The following RNF220 variants were observed in gnomAD, a reference collection of about 807,000 sequenced individuals.
The protein encoded by RNF220 is ring finger protein 220.
A neutral mutation model predicts 67.1 loss-of-function variants in RNF220; 7 were observed. The observed-to-expected ratio is 0.10, with a 90% CI of 0.06 to 0.20. The LOEUF is 0.20. Among genes scored for constraint, RNF220 ranks in the 10% least tolerant of loss-of-function variants. RNF220 has a pLI of 1.00. For synonymous variants in RNF220, 270 were observed against 283.2 expected, an observed-to-expected ratio of 0.95 and a Z score of 0.47; for missense variants, 565 against 740.3, an observed-to-expected ratio of 0.76 and a Z score of 2.75.
chr1:44,426,252 C>G (rs956191164), intron 2 of RNF220, among the ~76,000 whole-genome samples: 3 of 152,162 alleles, frequency 2.0e-5, no homozygotes, highest in African/African-American at 7.2e-5. Context: ...TAGGCAGAAT[C>G]AAGTCGAAGA....
rs1644573696 is a variant in RNF220, at chr1:44,644,334, TG to T, written c.1127-363del. 2.4e-5 allele frequency: 5 copies of T among 211,176 alleles called. No homozygotes were observed. The South Asian group carries it at 3.9e-4, about 17-fold the overall frequency. The allele number at this position is 211,176 out of a possible 1,614,324, so 13.1% of individuals were successfully genotyped here. A position where few individuals can be genotyped will look rare whatever the true frequency, so the allele number is the denominator to read the frequency against. On this transcript the variant is annotated intron_variant, in intron 8 of 14. Coordinates refer to ENST00000361799, the MANE Select transcript of RNF220 (RefSeq NM_018150.4). The stretch of plus-strand genomic sequence containing the variant: ...CATAGGGGAGGCCCCACTCTTTTCC[TG>T]TGAAATTCCTAGACCTGAATTTTTC...
At chr1:44,475,822 G>A (rs942868466) in intron 2 of RNF220, among the ~76,000 whole-genome samples, 3 of 151,192 alleles carry the variant, frequency 2.0e-5, no homozygotes, top group Admixed American at 6.6e-5. Flanking sequence ...GACCATCCTC[G>A]CCAACATGGT....
Position 44,437,568 on chromosome 1 carries a change from G to A in RNF220, c.625+24846G>A, listed in dbSNP as rs983936929. On this transcript the variant is annotated intron_variant, in intron 2 of 14. Transcript: ENST00000361799. ...CATGGTGACTTGGGCTGTATTTGGC[G>A]AGCATTTGAAGAAATCAGTCACTGG... is the stretch of plus-strand genomic sequence containing the variant. 2.6e-4 allele frequency among the ~76,000 whole-genome samples: 39 copies of A among 152,098 alleles called. 1 individual carries two copies. Among genetic ancestry groups the A allele is most frequent in the Admixed American group, 1.6e-3 (25 of 15,266 alleles).
chr1:44,524,073 G>A (rs568206065), intron 2 of RNF220, among the ~76,000 whole-genome samples: 3 of 149,074 alleles, frequency 2.0e-5, no homozygotes, highest in South Asian at 4.3e-4. Context: ...CCCAGCAGCA[G>A]CCTGGCTAGA....
rs1273804088 is a variant in RNF220 at position 44,650,788 on chromosome 1, A to G, written c.*13A>G. 1.9e-6 allele frequency: 3 copies of G among 1,612,758 alleles called. No homozygotes were observed. The highest frequency in any genetic ancestry group is 2.5e-6 in the Non-Finnish European group (3 of 1,179,786). On this transcript the variant is annotated 3_prime_UTR_variant, in exon 15 of 15. Transcript: ENST00000361799. This position sits in a 1 kb window ranked among gnomAD's most constrained non-coding sequence, Gnocchi z 4.3. Reference sequence around the variant, plus strand: ...GATCTACTTGTGAGCTATCTGCCCCAGGCAGGCCTCGCCTCCAGCAGCCCC... The same window carrying G: ...GATCTACTTGTGAGCTATCTGCCCCGGGCAGGCCTCGCCTCCAGCAGCCCC...
At chr1:44,430,353 A>G (rs1572474903) in intron 2 of RNF220, among the ~76,000 whole-genome samples, 2 of 152,058 alleles carry the variant, frequency 1.3e-5, no homozygotes, top group Admixed American at 1.3e-4. Flanking sequence ...ATTAGGAAAA[A>G]ACTAAGGAAA....
At chr1:44,541,666 C>T (rs1016703779) in intron 2 of RNF220, among the ~76,000 whole-genome samples, 3 of 152,166 alleles carry the variant, frequency 2.0e-5, no homozygotes, top group African/African-American at 7.2e-5. Flanking sequence ...CTGTTCCGGA[C>T]GGTCATCACC....
At position 44,434,325 on chromosome 1, in the gene RNF220, G is replaced by T. The variant is rs377477032; in HGVS notation, c.625+21603G>T. ...AGCCAGACCTCTGTAAATCTTTTAG[G>T]CCACGGAGAGTTGGATTTTATTTTG... On this transcript the variant is annotated intron_variant, in intron 2 of 14. Coordinates refer to ENST00000361799, the MANE Select transcript of RNF220 (RefSeq NM_018150.4). 8.5e-5 allele frequency among the ~76,000 whole-genome samples: 13 copies of T among 152,242 alleles called. No homozygotes were observed. In the South Asian group the frequency reaches 2.5e-3, roughly 29 times the overall value.
At chr1:44,540,823 G>A (rs1661616630) in intron 2 of RNF220, among the ~76,000 whole-genome samples, 1 of 152,114 alleles carries the variant, frequency 6.6e-6, no homozygotes, top group African/African-American at 2.4e-5. Context: ...AGGTGTACAA[G>A]AAGGGACCAA....
chr1:44,549,225 G>A (rs1662418997), intron 2 of RNF220, among the ~76,000 whole-genome samples: 1 of 152,144 alleles, frequency 6.6e-6, no homozygotes, highest in African/African-American at 2.4e-5. Context: ...CAGCTATGAT[G>A]TAGCATTGCA....
chr1:44,444,672 C>G (rs536550836), intron 2 of RNF220, among the ~76,000 whole-genome samples: 1 of 152,284 alleles, frequency 6.6e-6, no homozygotes, highest in East Asian at 1.9e-4. Context: ...AACTCCTGGA[C>G]TCAAGCAATT....
chr1:44,547,781 T>C (rs1180794043), intron 2 of RNF220, among the ~76,000 whole-genome samples: 2 of 152,174 alleles, frequency 1.3e-5, no homozygotes, highest in Non-Finnish European at 2.9e-5. Flanking sequence ...CAATCCGCCA[T>C]GTAGCCCCAA....
At chr1:44,448,266 C>T (rs1652308816) in intron 2 of RNF220, among the ~76,000 whole-genome samples, 1 of 152,166 alleles carries the variant, frequency 6.6e-6, no homozygotes, top group East Asian at 1.9e-4. Context: ...CGCACTGCAG[C>T]CTGAGTTGAC....
At chr1:44,430,785 T>A (rs916435960) in intron 2 of RNF220, among the ~76,000 whole-genome samples, 4 of 152,206 alleles carry the variant, frequency 2.6e-5, no homozygotes, top group African/African-American at 9.6e-5. Flanking sequence ...GATGTCGTGA[T>A]CCGCCCACCT....
chr1:44,531,909 T>C (rs551168472), intron 2 of RNF220, among the ~76,000 whole-genome samples: 19 of 152,356 alleles, frequency 1.2e-4, no homozygotes, highest in African/African-American at 4.6e-4. Context: ...GTTTGGCTCA[T>C]AGGGGACATA....
At chr1:44,509,010 C>A (rs912272595) in intron 2 of RNF220, among the ~76,000 whole-genome samples, 1 of 152,152 alleles carries the variant, frequency 6.6e-6, no homozygotes, top group Non-Finnish European at 1.5e-5. Context: ...TTGTCCATCC[C>A]ACCCAGAGAT....
chr1:44,422,801 C>T (rs1314965155), intron 2 of RNF220, among the ~76,000 whole-genome samples: 4 of 152,150 alleles, frequency 2.6e-5, no homozygotes, highest in Non-Finnish European at 5.9e-5. Context: ...CCCAGTTTTA[C>T]CTCCATAAGA....
Position 44,614,174 on chromosome 1 carries a change from AAGC to A in RNF220, c.639_641del (p.Ala215del). The A allele has an allele frequency of 6.2e-7, 1 of 1,614,180 alleles. No individual in the cohort carries two copies. Among genetic ancestry groups the A allele is most frequent in the Non-Finnish European group, 8.5e-7 (1 of 1,180,000 alleles). ...CTTCTCCCCTCACTAGGTAAGAAGA[AAGC>A]AGCGGCATTGTTCGACAGCCAGGCC... On this transcript the variant is annotated inframe_deletion, in exon 3 of 15. Coordinates refer to ENST00000361799, the MANE Select transcript of RNF220 (RefSeq NM_018150.4).
chr1:44,417,378 A>C lies in RNF220; in HGVS notation c.625+4656A>C, dbSNP rs541221930. Among the ~76,000 whole-genome samples, 55 of 152,326 alleles carry C rather than the reference A, an allele frequency of 3.6e-4. No individual in the cohort carries two copies. The South Asian group carries it at 9.5e-3, about 26-fold the overall frequency. On this transcript the variant is annotated intron_variant, in intron 2 of 14. Coordinates refer to ENST00000361799, the MANE Select transcript of RNF220 (RefSeq NM_018150.4). This position sits in a 1 kb window ranked among gnomAD's most constrained non-coding sequence, Gnocchi z 4.0. ...GTTTAATTGTCTTGTTGGGATAAAG[A>C]AATGTTTGCACAGCTAAAGTGGGGC...
Sources: gnomAD v4.1 joint callset for allele counts (sites outside exome capture counted in the v4.1 genomes callset) on GRCh38, gnomAD v4.1.1 for gene constraint, Gnocchi (gnomAD v3.1) non-coding constraint, MANE v1.5 for transcripts, NCBI Gene and HGNC (gene_info 2026-07-23, HGNC 2026-07-21) for gene names.